The following FBXL2 variants were observed in gnomAD, a reference collection of about 807,000 sequenced individuals.
The protein encoded by FBXL2 is F-box/LRR-repeat protein 2.
A neutral mutation model predicts 69.2 loss-of-function variants in FBXL2; 38 were observed. That is an observed-to-expected ratio of 0.55 (90% CI 0.42 to 0.72). The LOEUF (loss-of-function observed/expected upper bound fraction) is 0.72. Ranked by LOEUF, FBXL2 falls within the 30% of genes least tolerant of loss-of-function variation. The probability of loss-of-function intolerance (pLI) is 0.00; values close to 1 mark genes in which losing one functional copy is unlikely to be tolerated. For synonymous variants in FBXL2, 192 were observed against 201.3 expected (o/e 0.95, Z 0.39); for missense variants, 354 against 520.3 (o/e 0.68, Z 3.11).
chr3:33,414,509 TC>T, the FBXL2 span, among the ~76,000 whole-genome samples: 2 of 152,112 alleles, frequency 1.3e-5, no homozygotes, highest in African/African-American at 4.8e-5. Flanking sequence ...TTCAAGAAGT[TC>T]CAAAGCACCT....
chr3:33,316,212 T>C (rs1461548967), intron 2 of FBXL2, among the ~76,000 whole-genome samples: 3 of 151,972 alleles, frequency 2.0e-5, no homozygotes, highest in African/African-American at 7.2e-5. Context: ...TGTGCCCCAC[T>C]ATGCCTGGGT....
chr3:33,353,498 G>C (rs1313352412), intron 2 of FBXL2, among the ~76,000 whole-genome samples: 1 of 152,216 alleles, frequency 6.6e-6, no homozygotes, highest in Non-Finnish European at 1.5e-5. Flanking sequence ...AGCCATAAAT[G>C]CATGTTGCTA....
chr3:33,419,409 C>T, the FBXL2 span, among the ~76,000 whole-genome samples: 1 of 152,094 alleles, frequency 6.6e-6, no homozygotes, highest in Non-Finnish European at 1.5e-5. Context: ...GTGGGCGGAT[C>T]ACGAGGTCAG....
intron 5 of FBXL2, chr3:33,372,879 C>T: frequency 1.6e-6 from 1 of 607,606 alleles, no homozygotes; most frequent in South Asian, 2.0e-5. Context: ...ACTAGCAGCA[C>T]TGGCATCACC....
chr3:33,409,174 T>C, the FBXL2 span: 1 of 1,509,342 alleles, frequency 6.6e-7, no homozygotes, highest in Non-Finnish European at 9.2e-7. Flanking sequence ...GAACTCATCT[T>C]AGAAATAGAC....
At chr3:33,374,799 T>C (rs1219855114) in intron 9 of FBXL2, among the ~76,000 whole-genome samples, 1 of 85,584 alleles carries the variant, frequency 1.2e-5, no homozygotes, top group Non-Finnish European at 2.1e-5. Flanking sequence ...ATTTTGTGAT[T>C]TATTTAATTT....
chr3:33,396,540 T>G, intron 12 of FBXL2: 1 of 462,174 alleles, frequency 2.2e-6, no homozygotes, highest in South Asian at 2.7e-5. Flanking sequence ...GTTTCAAGAT[T>G]AAGTCAGCAA....
At chr3:33,398,064 G>C (rs1456501435) in intron 12 of FBXL2, 1 of 152,186 alleles carries the variant, frequency 6.6e-6, no homozygotes, top group African/African-American at 2.4e-5. Flanking sequence ...TTGAAGGTAG[G>C]AGATGGCTGC....
At chr3:33,382,690 A>G (rs1414050485) in intron 13 of FBXL2, 1 of 152,238 alleles carries the variant, frequency 6.6e-6, no homozygotes, top group African/African-American at 2.4e-5. Flanking sequence ...AGTCAGAAAC[A>G]TCGAAATAAC....
At chr3:33,371,688 G>A (rs1056990746) in intron 5 of FBXL2, among the ~76,000 whole-genome samples, 21 of 152,062 alleles carry the variant, frequency 1.4e-4, no homozygotes, top group South Asian at 6.2e-4. Context: ...ATGAAAACAT[G>A]ATAATTTTTT....
chr3:33,342,711 C>CTTTTTTTTTTTTTTTTTTT lies in FBXL2; in HGVS notation c.66-16242_66-16224dup, dbSNP rs71070130. Among the ~76,000 whole-genome samples the CTTTTTTTTTTTTTTTTTTT allele has an allele frequency of 2.9e-4, 11 of 37,924 alleles. 3 individuals carry two copies. Among genetic ancestry groups the CTTTTTTTTTTTTTTTTTTT allele is most frequent in the Admixed American group, 1.4e-3 (3 of 2,136 alleles). The allele number at this position is 37,924 out of a possible 152,430, so 24.9% of individuals were successfully genotyped here. ...GATTCTTGCAAAACAAATATAACTT[C>CTTTTTTTTTTTTTTTTTTT]TTTTTTTTTTTTTTTTTTTTTTTTT... is the stretch of plus-strand genomic sequence containing the variant. On this transcript the variant is annotated intron_variant, in intron 2 of 14. Coordinates refer to ENST00000484457, the MANE Select transcript of FBXL2 (RefSeq NM_012157.5).
At position 33,342,393 on chromosome 3, in the gene FBXL2, G is replaced by A. The variant is rs1199241622; in HGVS notation, c.66-16574G>A. Among the ~76,000 whole-genome samples the A allele has an allele frequency of 2.0e-5, 3 of 149,932 alleles. No homozygotes were observed. The East Asian group carries it at 5.8e-4, about 29-fold the overall frequency. Reference sequence around the variant, plus strand: ...AAATTTAAAGCTTATGAATGATAAAGAAGAAAAAACATTAAGACTTGCTTT... The same window carrying A: ...AAATTTAAAGCTTATGAATGATAAAAAAGAAAAAACATTAAGACTTGCTTT... On this transcript the variant is annotated intron_variant, in intron 2 of 14. Transcript: ENST00000484457.
rs184219829 is a variant in FBXL2, at chr3:33,300,795, A to G, written c.65+3070A>G. Among the ~76,000 whole-genome samples the G allele has an allele frequency of 1.1e-3, 146 of 135,840 alleles. 2 individuals carry two copies. The Middle Eastern group carries it at 0.012, about 11-fold the overall frequency. 89.1% of individuals were successfully genotyped at this position (135,840 alleles called of 152,430 possible). A position where few individuals can be genotyped will look rare whatever the true frequency, so the allele number is the denominator to read the frequency against. On this transcript the variant is annotated intron_variant, in intron 2 of 14. Coordinates refer to ENST00000484457, the MANE Select transcript of FBXL2 (RefSeq NM_012157.5). Reference sequence around the variant, plus strand: ...GCAATCTTGGCTCACTGCAAGCTCCACCTCCCGGGTTCACGCCATTCTCCT... The same window carrying G: ...GCAATCTTGGCTCACTGCAAGCTCCGCCTCCCGGGTTCACGCCATTCTCCT...
downstream of FBXL2, chr3:33,408,648 A>C (rs2044494263): frequency 6.4e-7 from 1 of 1,561,698 alleles, no homozygotes; most frequent in Admixed American, 1.9e-5. Context: ...AACACTGCAC[A>C]AGGTTTCTTG....
At chr3:33,323,936 G>A (rs1481300123) in intron 2 of FBXL2, among the ~76,000 whole-genome samples, 4 of 152,148 alleles carry the variant, frequency 2.6e-5, no homozygotes, top group African/African-American at 4.8e-5. Context: ...GTGTAAGAGC[G>A]TTCCTATTTC....
intron 1 of FBXL2, among the ~76,000 whole-genome samples, 196 bp downstream of exon 1, chr3:33,277,711 C>T (rs2033448469): frequency 6.6e-6 from 1 of 152,032 alleles, no homozygotes; most frequent in African/African-American, 2.4e-5. Context: ...AGAGCGCCCG[C>T]CTGCCGGGGG....
intron 2 of FBXL2, among the ~76,000 whole-genome samples, chr3:33,341,634 A>C (rs1336084264): frequency 6.6e-6 from 1 of 151,958 alleles, no homozygotes; most frequent in Non-Finnish European, 1.5e-5. Context: ...GTTTGAGACC[A>C]ACCTGGCCAA....
the FBXL2 span, among the ~76,000 whole-genome samples, chr3:33,412,560 C>CGA: frequency 6.9e-6 from 1 of 145,572 alleles, no homozygotes; most frequent in African/African-American, 2.6e-5. Context: ...TTATCCTGGG[C>CGA]GAGAGAGCAA....
chr3:33,376,944 T>C (rs1455005176), intron 10 of FBXL2, among the ~76,000 whole-genome samples: 1 of 152,210 alleles, frequency 6.6e-6, no homozygotes, highest in East Asian at 1.9e-4. Context: ...GAGGCTGCAG[T>C]GAGCCAAGAT....
Sources: gnomAD v4.1 joint callset for allele counts (sites outside exome capture counted in the v4.1 genomes callset) on GRCh38, gnomAD v4.1.1 for gene constraint, MANE v1.5 for transcripts, NCBI Gene and HGNC (gene_info 2026-07-23, HGNC 2026-07-21) for gene names.